ADAM12: variants seen among roughly 807,000 people sequenced by gnomAD.
ADAM12 encodes the protein disintegrin and metalloproteinase domain-containing protein 12.
ADAM12 carries 70 observed loss-of-function variants against 106.4 expected under a neutral mutation model. That is an observed-to-expected ratio of 0.66 (90% CI 0.54 to 0.80). ADAM12 has a LOEUF of 0.80. Among genes scored for constraint, ADAM12 ranks in the 30% least tolerant of loss-of-function variants. The pLI is 0.00. For missense variants in ADAM12, 1,010 were observed against 1,171.9 expected (o/e 0.86, Z 2.02); for synonymous variants, 420 against 433.5 (o/e 0.97, Z 0.39).
At chr10:126,025,333 A>T (rs999890945) in intron 21 of ADAM12, among the ~76,000 whole-genome samples, 7 of 152,236 alleles carry the variant, frequency 4.6e-5, no homozygotes, top group African/African-American at 1.4e-4. Context: ...CAGCCAAAAT[A>T]GTTTAGAGAG....
chr10:126,104,464 AAG>A lies in ADAM12; in HGVS notation c.742-3225_742-3224del, dbSNP rs557911984. Among the ~76,000 whole-genome samples, 783 of 150,594 alleles carry A rather than the reference AAG, an allele frequency of 5.2e-3. 13 individuals are homozygous for A. The highest frequency in any genetic ancestry group is 0.035 in the East Asian group (179 of 5,098). ...GACTCTGTCTAAAAAAAAAAAAAAA[AAG>A]AAAGAAAGAAAGAAAAGAAATTAAA... On this transcript the variant is annotated intron_variant, in intron 8 of 22. Transcript: ENST00000448723.
At chr10:126,194,160 G>A (rs908066201) in intron 3 of ADAM12, among the ~76,000 whole-genome samples, 1 of 151,056 alleles carries the variant, frequency 6.6e-6, no homozygotes, top group Non-Finnish European at 1.5e-5. Context: ...TAAATACAGC[G>A]TGTTATGTAA....
At chr10:126,364,487 G>A (rs1855845778) in intron 1 of ADAM12, among the ~76,000 whole-genome samples, 1 of 152,102 alleles carries the variant, frequency 6.6e-6, no homozygotes, top group Non-Finnish European at 1.5e-5. Context: ...CAGAATGTGT[G>A]TATATAAACT....
chr10:126,261,177 T>A (rs753747720), intron 3 of ADAM12, among the ~76,000 whole-genome samples: 2 of 152,118 alleles, frequency 1.3e-5, no homozygotes, highest in Non-Finnish European at 2.9e-5. Flanking sequence ...TTGGTACCCA[T>A]GAGGGGTTCT....
intron 3 of ADAM12, among the ~76,000 whole-genome samples, chr10:126,194,392 G>C (rs1239439400): frequency 6.6e-6 from 1 of 151,918 alleles, no homozygotes; most frequent in Non-Finnish European, 1.5e-5. Flanking sequence ...GAATCAAAGG[G>C]AAGTGTACAC....
intron 3 of ADAM12, among the ~76,000 whole-genome samples, chr10:126,218,228 G>A (rs1282577897): frequency 6.6e-6 from 1 of 152,090 alleles, no homozygotes; most frequent in Non-Finnish European, 1.5e-5. Flanking sequence ...GATACATTTG[G>A]AGTGAGAAGG....
At position 126,266,865 on chromosome 10, in the gene ADAM12, C is replaced by A. The variant is rs76760913; in HGVS notation, c.260+12050G>T. On this transcript the variant is annotated intron_variant, in intron 3 of 22. Transcript: ENST00000448723. The stretch of plus-strand genomic sequence containing the variant: ...CGAGAAGTCCACCACGAGAACAGCA[C>A]TAGGGGGATGCCGCTAAACCACGCA... Among the ~76,000 whole-genome samples, 620 of 152,286 alleles carry A rather than the reference C, an allele frequency of 4.1e-3. 21 individuals are homozygous for A. The East Asian group carries it at 0.06, about 15-fold the overall frequency.
At chr10:126,159,860 A>C (rs1262998409) in intron 3 of ADAM12, among the ~76,000 whole-genome samples, 1 of 152,238 alleles carries the variant, frequency 6.6e-6, no homozygotes, top group Non-Finnish European at 1.5e-5. Context: ...CATTGGAGCT[A>C]AGCAGAAATA....
intron 11 of ADAM12, among the ~76,000 whole-genome samples, chr10:126,074,430 T>C (rs994542917): frequency 3.3e-5 from 5 of 152,162 alleles, no homozygotes; most frequent in South Asian, 2.1e-4. Flanking sequence ...ATTGGGTTTT[T>C]TGGGGGTTTC....
chr10:126,051,588 T>C (rs1710282), intron 14 of ADAM12, among the ~76,000 whole-genome samples: 1 of 124,406 alleles, frequency 8.0e-6, no homozygotes, highest in East Asian at 2.4e-4. Flanking sequence ...CATCCATCCA[T>C]CCAGCCAGCC....
At chr10:126,021,746 G>T (rs1048964873) in intron 21 of ADAM12, among the ~76,000 whole-genome samples, 1 of 152,176 alleles carries the variant, frequency 6.6e-6, no homozygotes, top group Non-Finnish European at 1.5e-5. Flanking sequence ...CCGGGTGGAT[G>T]TGAGGGTTAA....
At chr10:126,382,159 G>A (rs1379430559) in intron 1 of ADAM12, among the ~76,000 whole-genome samples, 1 of 144,324 alleles carries the variant, frequency 6.9e-6, no homozygotes, top group Non-Finnish European at 1.6e-5. Flanking sequence ...TTTGGGAACA[G>A]GGGGCACTGG....
intron 2 of ADAM12, among the ~76,000 whole-genome samples, chr10:126,301,211 G>A (rs1960608995): frequency 6.6e-6 from 1 of 152,116 alleles, no homozygotes; most frequent in South Asian, 2.1e-4. Flanking sequence ...AAGAAACCCT[G>A]GTTTAAATTT....
intron 9 of ADAM12, 122 bp from the exon 10 acceptor site, chr10:126,098,622 G>T: frequency 1.3e-6 from 1 of 756,498 alleles, no homozygotes. Context: ...GCTGTATGAG[G>T]GTATATTCAC....
chr10:126,225,994 G>C (rs959508072), intron 3 of ADAM12, among the ~76,000 whole-genome samples: 2 of 152,132 alleles, frequency 1.3e-5, no homozygotes, highest in Non-Finnish European at 2.9e-5. Flanking sequence ...GGGCATCTGG[G>C]GTTCAACTTG....
chr10:126,379,507 T>A (rs750110099), intron 1 of ADAM12, among the ~76,000 whole-genome samples: 5 of 151,512 alleles, frequency 3.3e-5, no homozygotes, highest in Non-Finnish European at 5.9e-5. Context: ...CACATGGACA[T>A]AGGGAGGGGA....
intron 17 of ADAM12, among the ~76,000 whole-genome samples, chr10:126,044,060 G>C (rs1590328014): frequency 6.6e-6 from 1 of 152,150 alleles, no homozygotes; most frequent in East Asian, 1.9e-4. Flanking sequence ...TATTATGCCA[G>C]ATGTAACTAA....
intron 1 of ADAM12, among the ~76,000 whole-genome samples, chr10:126,340,256 T>C (rs1261510894): frequency 6.6e-6 from 1 of 152,202 alleles, no homozygotes; most frequent in Non-Finnish European, 1.5e-5. Context: ...ATGAGAACTA[T>C]TCATAAGGCA....
chr10:126,100,823 TAGA>T (rs1418801478), intron 9 of ADAM12, among the ~76,000 whole-genome samples: 1 of 152,180 alleles, frequency 6.6e-6, no homozygotes. Flanking sequence ...GTCCGGGTTC[TAGA>T]AGAAGGAAAT....
Sources: gnomAD v4.1 joint callset for allele counts (sites outside exome capture counted in the v4.1 genomes callset) on GRCh38, gnomAD v4.1.1 for gene constraint, MANE v1.5 for transcripts, NCBI Gene and HGNC (gene_info 2026-07-23, HGNC 2026-07-21) for gene names.